Variants in SUGCT observed in about 807,000 individuals in gnomAD.
The protein encoded by SUGCT is succinyl-CoA:glutarate CoA-transferase.
A neutral mutation model predicts 55.0 loss-of-function variants in SUGCT; 41 were observed. That is an observed-to-expected ratio of 0.74 (90% confidence interval 0.58 to 0.97). SUGCT has a LOEUF of 0.97. SUGCT is among the 50% of genes least tolerant of loss of function. SUGCT has a pLI of 0.00. For missense variants in SUGCT, 568 were observed against 547.8 expected (o/e 1.04, Z -0.37); for synonymous variants, 187 against 200.4 (o/e 0.93, Z 0.56).
intron 12 of SUGCT, among the ~76,000 whole-genome samples, chr7:40,679,625 C>T (rs574412961): frequency 1.2e-3 from 176 of 152,178 alleles, no homozygotes; most frequent in Non-Finnish European, 2.3e-3. Flanking sequence ...CAGAGAATAC[C>T]TTTTCTGGCA....
At chr7:40,324,658 A>C (rs1795941388) in intron 9 of SUGCT, among the ~76,000 whole-genome samples, 1 of 151,954 alleles carries the variant, frequency 6.6e-6, no homozygotes, top group Non-Finnish European at 1.5e-5. Flanking sequence ...ACTATACAGG[A>C]CTCTTCCAAA....
intron 1 of SUGCT, among the ~76,000 whole-genome samples, chr7:40,158,428 T>C (rs904963190): frequency 6.6e-6 from 1 of 152,220 alleles, no homozygotes; most frequent in African/African-American, 2.4e-5. Context: ...TATTGTTTTC[T>C]AGATACAAGA....
intron 13 of SUGCT, among the ~76,000 whole-genome samples, chr7:40,853,670 T>C (rs984948028): frequency 6.6e-6 from 1 of 152,206 alleles, no homozygotes; most frequent in African/African-American, 2.4e-5. Context: ...CAGCCTGATA[T>C]AAGCTCTTGT....
chr7:40,944,362 A>T, the SUGCT span, among the ~76,000 whole-genome samples: 1 of 151,352 alleles, frequency 6.6e-6, no homozygotes, highest in Non-Finnish European at 1.5e-5. Flanking sequence ...GCCCATGCCT[A>T]TGTCCTGAAT....
the SUGCT span, among the ~76,000 whole-genome samples, chr7:40,986,273 T>A: frequency 1.3e-5 from 2 of 152,256 alleles, no homozygotes; most frequent in Admixed American, 1.3e-4. Context: ...GTCATTGAGC[T>A]AAATCAGAAT....
chr7:40,451,323 A>G (rs1476620006), intron 10 of SUGCT, among the ~76,000 whole-genome samples: 1 of 152,118 alleles, frequency 6.6e-6, no homozygotes, highest in East Asian at 1.9e-4. Context: ...AATTCTTTGT[A>G]TTTTTGATTC....
intron 9 of SUGCT, among the ~76,000 whole-genome samples, chr7:40,376,004 T>C (rs1479616719): frequency 1.3e-5 from 2 of 152,212 alleles, no homozygotes; most frequent in African/African-American, 2.4e-5. Flanking sequence ...GCTTTTCTAA[T>C]GTGTGTTATA....
intron 12 of SUGCT, among the ~76,000 whole-genome samples, chr7:40,531,471 C>T (rs2151595360): frequency 6.6e-6 from 1 of 151,448 alleles, no homozygotes; most frequent in South Asian, 2.1e-4. Context: ...TAGTATCAGT[C>T]ATTAATGGCA....
chr7:40,770,563 T>C (rs1287777116), intron 13 of SUGCT, among the ~76,000 whole-genome samples: 1 of 152,130 alleles, frequency 6.6e-6, no homozygotes, highest in Non-Finnish European at 1.5e-5. Flanking sequence ...TCCTGGAAGC[T>C]GTCAAATTAT....
chr7:40,431,863 A>G (rs1183414292), intron 9 of SUGCT, among the ~76,000 whole-genome samples: 1 of 151,894 alleles, frequency 6.6e-6, no homozygotes, highest in African/African-American at 2.4e-5. Context: ...TTGTTTGTTG[A>G]TTTTATATCC....
intron 7 of SUGCT, among the ~76,000 whole-genome samples, chr7:40,272,661 A>ATTG (rs201968545): frequency 7.2e-6 from 1 of 138,088 alleles, no homozygotes; most frequent in African/African-American, 2.8e-5. Flanking sequence ...TATTATTATT[A>ATTG]TTATTTTTTT....
chr7:41,003,963 A>G, the SUGCT span, among the ~76,000 whole-genome samples: 10,249 of 152,248 alleles, frequency 0.067, 463 homozygotes, highest in Non-Finnish European at 0.094. Context: ...AAAGGTATAG[A>G]TACAGTTAAA....
intron 12 of SUGCT, among the ~76,000 whole-genome samples, chr7:40,603,377 T>G (rs1798381254): frequency 6.6e-6 from 1 of 152,212 alleles, no homozygotes; most frequent in African/African-American, 2.4e-5. Context: ...TTTCCTCTAC[T>G]TGATTTGAAG....
chr7:40,479,891 G>A (rs1465223822), intron 11 of SUGCT, among the ~76,000 whole-genome samples: 1 of 152,008 alleles, frequency 6.6e-6, no homozygotes, highest in African/African-American at 2.4e-5. Context: ...CTATGGAGAT[G>A]TATTAGTTCC....
intron 1 of SUGCT, among the ~76,000 whole-genome samples, chr7:40,145,461 C>T (rs1788194234): frequency 1.3e-5 from 2 of 151,676 alleles, no homozygotes; most frequent in Admixed American, 1.3e-4. Flanking sequence ...TATTTTAGGA[C>T]AAGAATTTAC....
chr7:40,933,358 C>G, the SUGCT span, among the ~76,000 whole-genome samples: 1 of 152,074 alleles, frequency 6.6e-6, no homozygotes, highest in Non-Finnish European at 1.5e-5. Context: ...CTCTGGCTGC[C>G]CTTAACATTT....
chr7:41,033,833 C>T, the SUGCT span, among the ~76,000 whole-genome samples: 12 of 151,782 alleles, frequency 7.9e-5, no homozygotes, highest in East Asian at 9.7e-4. Flanking sequence ...GAGCTGGCCC[C>T]GTGTGCTGAG....
chr7:41,034,451 G>C, the SUGCT span, among the ~76,000 whole-genome samples: 3 of 152,146 alleles, frequency 2.0e-5, no homozygotes, highest in African/African-American at 7.2e-5. Flanking sequence ...AAACAAGGCT[G>C]ACCATGGAGC....
chr7:40,381,963 G>A (rs1784896373), intron 9 of SUGCT, among the ~76,000 whole-genome samples: 1 of 151,936 alleles, frequency 6.6e-6, no homozygotes, highest in African/African-American at 2.4e-5. Context: ...CAGTGCTGAT[G>A]ACACAGATCT....
Sources: gnomAD v4.1 joint callset for allele counts (sites outside exome capture counted in the v4.1 genomes callset) on GRCh38, gnomAD v4.1.1 for gene constraint, MANE v1.5 for transcripts, NCBI Gene and HGNC (gene_info 2026-07-23, HGNC 2026-07-21) for gene names.